FAS: variants seen among roughly 807,000 people sequenced by gnomAD.
FAS encodes the protein Fas cell surface death receptor, also known as tumor necrosis factor receptor superfamily member 6.
FAS carries 5 observed loss-of-function variants against 33.2 expected under a neutral mutation model. The ratio of observed to expected loss-of-function variants is 0.15; its 90% CI spans 0.08 to 0.32. The LOEUF (loss-of-function observed/expected upper bound fraction) is 0.32, where lower values mean the gene tolerates loss of function less well. Ranked by LOEUF, FAS falls within the 10% of genes least tolerant of loss-of-function variation. FAS has a pLI of 1.00. For synonymous variants in FAS, 131 were observed against 130.7 expected, an observed-to-expected ratio of 1.00 and a Z score of -0.01; for missense variants, 339 against 386.0, an observed-to-expected ratio of 0.88 and a Z score of 1.02.
chr10:88,999,564 T>C (rs1847813306), intron 1 of FAS, among the ~76,000 whole-genome samples: 1 of 152,190 alleles, frequency 6.6e-6, no homozygotes, highest in Admixed American at 6.5e-5. Flanking sequence ...TCCTAGAACT[T>C]ATATGTGTCT....
At chr10:89,007,566 T>G in intron 2 of FAS, 134 bp from the exon 3 acceptor site, 57 of 1,098,652 alleles carry the variant, frequency 5.2e-5, no homozygotes, top group Non-Finnish European at 6.1e-5. Context: ...CCCCATTGTA[T>G]TTATATCTCA....
chr10:89,010,525 AT>A lies in FAS; in HGVS notation c.444-5del, dbSNP rs751798922. 276 of 1,582,804 alleles carry A rather than the reference AT, an allele frequency of 1.7e-4. No homozygotes were observed. The highest frequency in any genetic ancestry group is 2.3e-4 in the East Asian group (10 of 44,240). Reference sequence around the variant, plus strand: ...TGCCAGGCTTTTGAATTTCTCCTGTATTTTTTTTTCTAGATGTGAACATGGA... The same window carrying A: ...TGCCAGGCTTTTGAATTTCTCCTGTATTTTTTTTCTAGATGTGAACATGGA... On this transcript the variant is annotated splice_polypyrimidine_tract_variant and intron_variant, in intron 4 of 8. Coordinates refer to ENST00000652046, the MANE Select transcript of FAS (RefSeq NM_000043.6).
At chr10:88,967,170 C>A (rs989062088) in intron 1 of FAS, among the ~76,000 whole-genome samples, 7 of 152,162 alleles carry the variant, frequency 4.6e-5, no homozygotes, top group Admixed American at 1.3e-4. Flanking sequence ...CCTTTTCCAA[C>A]AAAATTGAGA....
At chr10:88,977,593 T>C (rs1846597987) in intron 2 of FAS, among the ~76,000 whole-genome samples, 1 of 151,366 alleles carries the variant, frequency 6.6e-6, no homozygotes, top group Non-Finnish European at 1.5e-5. Context: ...GCAAAGGACA[T>C]GAACAGACAC....
At chr10:88,993,198 T>TA (rs1214638612) in intron 1 of FAS, among the ~76,000 whole-genome samples, 3 of 152,214 alleles carry the variant, frequency 2.0e-5, no homozygotes, top group South Asian at 4.1e-4. Flanking sequence ...CTCCGACACT[T>TA]ACAATAAAAA....
chr10:88,999,664 A>T (rs912949083), intron 1 of FAS, among the ~76,000 whole-genome samples: 3 of 152,216 alleles, frequency 2.0e-5, no homozygotes, highest in African/African-American at 7.2e-5. Context: ...AAGTTAACCC[A>T]TGTCATCTCT....
At chr10:89,012,524 G>A in intron 7 of FAS, among the ~76,000 whole-genome samples, 1 of 151,992 alleles carries the variant, frequency 6.6e-6, no homozygotes, top group East Asian at 1.9e-4. Context: ...GGGTGCATAG[G>A]TTAAAGGGGC....
At chr10:89,011,955 A>C (rs1241693676) in intron 6 of FAS, 44 bp from the exon 7 acceptor site, 1 of 1,516,836 alleles carries the variant, frequency 6.6e-7, no homozygotes, top group Non-Finnish European at 9.2e-7. Flanking sequence ...CATGCATTCT[A>C]CAAGGCTGAG....
intron 8 of FAS, among the ~76,000 whole-genome samples, chr10:89,013,596 G>C (rs776037337): frequency 2.0e-5 from 3 of 152,136 alleles, no homozygotes; most frequent in Non-Finnish European, 4.4e-5. Context: ...ATAGTCTGAG[G>C]CTTAAGAAAC....
chr10:89,002,177 T>G (rs1043377245), intron 1 of FAS, among the ~76,000 whole-genome samples: 2 of 152,232 alleles, frequency 1.3e-5, no homozygotes, highest in Non-Finnish European at 2.9e-5. Flanking sequence ...TGGAGTTGTT[T>G]GCATACCTAG....
At chr10:89,005,098 T>C (rs1164448911) in intron 2 of FAS, among the ~76,000 whole-genome samples, 2 of 143,056 alleles carry the variant, frequency 1.4e-5, no homozygotes, top group African/African-American at 5.3e-5. Context: ...AGTTAAGTAG[T>C]AGGAAAAATC....
At chr10:88,980,376 C>T (rs114736422) in intron 2 of FAS, among the ~76,000 whole-genome samples, 1,578 of 152,252 alleles carry the variant, frequency 0.01, 19 homozygotes, top group African/African-American at 0.036. Flanking sequence ...CTGAACATAA[C>T]CACAGTGGAG....
At chr10:88,977,615 A>C (rs1352713757) in intron 2 of FAS, among the ~76,000 whole-genome samples, 2 of 151,974 alleles carry the variant, frequency 1.3e-5, no homozygotes, top group African/African-American at 4.8e-5. Flanking sequence ...TCTCAAAAGA[A>C]GACATTTATG....
At chr10:88,977,726 A>C (rs1220121573) in intron 2 of FAS, among the ~76,000 whole-genome samples, 5 of 146,948 alleles carry the variant, frequency 3.4e-5, no homozygotes, top group South Asian at 2.2e-4. Flanking sequence ...TTAGAATGGC[A>C]ATCATTAAAA....
intron 4 of FAS, among the ~76,000 whole-genome samples, chr10:89,010,223 A>C (rs1023347071): frequency 1.3e-5 from 2 of 152,198 alleles, no homozygotes; most frequent in Non-Finnish European, 2.9e-5. Context: ...TATAGGATTT[A>C]CGTGTTCAGT....
intron 2 of FAS, among the ~76,000 whole-genome samples, chr10:89,004,352 A>T (rs562004926): frequency 6.6e-5 from 10 of 152,058 alleles, no homozygotes; most frequent in East Asian, 3.9e-4. Flanking sequence ...TTGAAAAAAA[A>T]TTTTTTTTAA....
chr10:89,014,534 G>T lies in FAS; in HGVS notation c.*84G>T. 1 of 1,263,802 alleles carries T rather than the reference G, an allele frequency of 7.9e-7. No individual in the cohort carries two copies. The highest frequency in any genetic ancestry group is 1.1e-6 in the Non-Finnish European group (1 of 892,274). The allele number at this position is 1,263,802 out of a possible 1,614,324, so 78.3% of individuals were successfully genotyped here. A position where few individuals can be genotyped will look rare whatever the true frequency, so the allele number is the denominator to read the frequency against. ...AATAGCTGGCTGTAAATACTGCTTG[G>T]TTTTTTACTGGGTACATTTTATCAT... On this transcript the variant is annotated 3_prime_UTR_variant, in exon 9 of 9. Coordinates refer to ENST00000652046, the MANE Select transcript of FAS (RefSeq NM_000043.6).
chr10:88,986,621 TGGAAGTAGTACAGAAA>T (rs1200905345), upstream of FAS, among the ~76,000 whole-genome samples: 100 of 152,054 alleles, frequency 6.6e-4, no homozygotes, highest in Admixed American at 1.6e-3. Flanking sequence ...AATGTGAGCA[TGGAAGTAGTACAGAAA>T]GGAAGTAGTA....
chr10:89,007,497 T>A (rs1003928916), intron 2 of FAS, among the ~76,000 whole-genome samples: 9 of 152,212 alleles, frequency 5.9e-5, no homozygotes, highest in African/African-American at 2.2e-4. Context: ...AGTCACTCTT[T>A]TAGCTTTTGT....
Sources: allele counts gnomAD v4.1 joint callset (sites outside exome capture counted in the v4.1 genomes callset), GRCh38; gene constraint gnomAD v4.1.1; transcripts MANE v1.5; gene names NCBI Gene and HGNC (gene_info 2026-07-23, HGNC 2026-07-21).